Variants in CSMD1 observed in about 807,000 individuals in gnomAD.
CSMD1 encodes CUB and Sushi multiple domains 1.
Under a neutral mutation model 417.5 loss-of-function variants are expected in CSMD1, and 213 were observed. The observed-to-expected ratio is 0.51, with a 90% CI of 0.46 to 0.57. The LOEUF is 0.57. Among genes scored for constraint, CSMD1 ranks in the 20% least tolerant of loss-of-function variants. The pLI is 0.00. For missense variants in CSMD1, 6,923 were observed against 4,529.7 expected (o/e 1.53, Z -15.17); for synonymous variants, 2,862 against 1,736.8 (o/e 1.65, Z -16.11).
chr8:3,962,128 T>G (rs1333404649), intron 5 of CSMD1, among the ~76,000 whole-genome samples: 2 of 152,118 alleles, frequency 1.3e-5, no homozygotes. Flanking sequence ...CCTCTTTCTG[T>G]GTCCAGCCCA....
rs1260596551 is a variant in CSMD1 at position 3,142,565 on chromosome 8, C to A, written c.6141G>T (p.Thr2047=). The A allele has an allele frequency of 6.2e-7, 1 of 1,613,906 alleles. No individual in the cohort carries two copies. The highest frequency in any genetic ancestry group is 2.2e-5 in the East Asian group (1 of 44,870). The stretch of plus-strand genomic sequence containing the variant: ...TGCTCAGCAGGGCCGCGGGGAGATC[C>A]GTGCCGCTAAATTGTCCAATCATGG... ...TSPMIGQFSG[T]DLPAALLSTT... is the part of the protein sequence containing the mutation. Residue 2047 remains threonine (T), a synonymous_variant, in exon 41 of 70, where the codon ACG becomes ACT. Transcript: ENST00000635120.
intron 1 of CSMD1, among the ~76,000 whole-genome samples, chr8:4,805,465 C>T (rs182473033): frequency 1.3e-5 from 2 of 152,190 alleles, no homozygotes; most frequent in East Asian, 3.9e-4. Flanking sequence ...GTTGAGAAGC[C>T]TGCGTCGAGA....
chr8:4,841,629 G>A (rs1282652622), intron 1 of CSMD1, among the ~76,000 whole-genome samples: 1 of 152,084 alleles, frequency 6.6e-6, no homozygotes, highest in South Asian at 2.1e-4. Context: ...GTTCAGAACA[G>A]GTCAGGCGCG....
At chr8:4,367,336 T>C (rs1584965205) in intron 3 of CSMD1, among the ~76,000 whole-genome samples, 1 of 152,316 alleles carries the variant, frequency 6.6e-6, no homozygotes, top group South Asian at 2.1e-4. Flanking sequence ...CATTGTCTGA[T>C]ATTGTCAACT....
chr8:3,795,877 T>TAG (rs2129069950), intron 5 of CSMD1, among the ~76,000 whole-genome samples: 1 of 82,182 alleles, frequency 1.2e-5, no homozygotes, highest in African/African-American at 4.5e-5. Flanking sequence ...GATATAGATA[T>TAG]ATATCTATCA....
chr8:3,406,790 T>A (rs1812368387), intron 14 of CSMD1, among the ~76,000 whole-genome samples: 1 of 152,222 alleles, frequency 6.6e-6, no homozygotes, highest in African/African-American at 2.4e-5. Flanking sequence ...CTCACTTTAT[T>A]CCATCTACAG....
intron 57 of CSMD1, among the ~76,000 whole-genome samples, chr8:2,970,990 C>T (rs1319179498): frequency 6.6e-6 from 1 of 152,160 alleles, no homozygotes; most frequent in East Asian, 1.9e-4. Flanking sequence ...TTTTCTCCCT[C>T]TGTCTCTCTA....
intron 3 of CSMD1, among the ~76,000 whole-genome samples, chr8:4,067,268 A>G (rs912803176): frequency 1.3e-5 from 2 of 152,258 alleles, no homozygotes; most frequent in East Asian, 1.9e-4. Context: ...ACTAAGAATC[A>G]TAGCCGAGAT....
At chr8:4,154,330 T>A (rs1211749709) in intron 3 of CSMD1, among the ~76,000 whole-genome samples, 1 of 152,212 alleles carries the variant, frequency 6.6e-6, no homozygotes, top group African/African-American at 2.4e-5. Flanking sequence ...TGAAAGGATG[T>A]AGTCCAGGAG....
intron 2 of CSMD1, among the ~76,000 whole-genome samples, chr8:4,471,017 C>G (rs1800499979): frequency 6.6e-6 from 1 of 152,060 alleles, no homozygotes; most frequent in Non-Finnish European, 1.5e-5. Flanking sequence ...TACGAGGATT[C>G]TATGAAATAT....
intron 1 of CSMD1, among the ~76,000 whole-genome samples, chr8:4,939,087 CG>C (rs1807813369): frequency 1.3e-5 from 2 of 152,174 alleles, no homozygotes; most frequent in South Asian, 4.1e-4. Context: ...CCCCCCTCTG[CG>C]GGTTGCCTCT....
chr8:4,013,236 A>G (rs1335346866), intron 4 of CSMD1, among the ~76,000 whole-genome samples: 3 of 152,010 alleles, frequency 2.0e-5, no homozygotes, highest in Admixed American at 6.6e-5. Flanking sequence ...CCCCTCTCCT[A>G]TCCTCTGACT....
chr8:3,562,300 T>C (rs1477353167), intron 10 of CSMD1, among the ~76,000 whole-genome samples: 1 of 129,842 alleles, frequency 7.7e-6, no homozygotes, highest in Admixed American at 7.5e-5. Flanking sequence ...TTTTAGAATC[T>C]AGAAAGACTT....
chr8:3,664,470 A>T (rs144773952), intron 7 of CSMD1, among the ~76,000 whole-genome samples: 1 of 152,358 alleles, frequency 6.6e-6, no homozygotes, highest in East Asian at 1.9e-4. Context: ...AAGCATAGGC[A>T]GCTCAATGTT....
intron 5 of CSMD1, among the ~76,000 whole-genome samples, chr8:3,891,733 C>T (rs1378561407): frequency 6.6e-6 from 1 of 151,974 alleles, no homozygotes; most frequent in African/African-American, 2.4e-5. Context: ...GTCTCCCAGG[C>T]AGTATAACAC....
At chr8:3,573,070 A>C (rs1053364964) in intron 10 of CSMD1, among the ~76,000 whole-genome samples, 46 of 152,192 alleles carry the variant, frequency 3.0e-4, no homozygotes, top group African/African-American at 1.0e-3. Flanking sequence ...TGGCTTAGTA[A>C]ATAGTTAACA....
chr8:4,628,362 ATG>A (rs899040912), intron 2 of CSMD1, among the ~76,000 whole-genome samples: 20 of 149,638 alleles, frequency 1.3e-4, no homozygotes, highest in African/African-American at 3.9e-4. Context: ...ACTTCTATGT[ATG>A]TGTGTGTGTA....
In CSMD1 at chr8:3,210,622, G is replaced by C. The variant is rs865942847; in HGVS notation, c.4867+3875C>G. On this transcript the variant is annotated intron_variant, in intron 30 of 69. Transcript: ENST00000635120. ...GGTGTGTGTATAAATATATAGACAG[G>C]AATATATATATAAAGTGTATATACA... Among the ~76,000 whole-genome samples the C allele has an allele frequency of 4.1e-5, 6 of 145,948 alleles. No individual in the cohort carries two copies. The South Asian group carries it at 1.3e-3, about 31-fold the overall frequency.
intron 3 of CSMD1, among the ~76,000 whole-genome samples, chr8:4,321,000 C>T (rs1799244260): frequency 6.6e-6 from 1 of 152,128 alleles, no homozygotes; most frequent in South Asian, 2.1e-4. Flanking sequence ...ACCAGTTTCT[C>T]TGTAAATTAT....
Sources: allele counts gnomAD v4.1 joint callset (sites outside exome capture counted in the v4.1 genomes callset), GRCh38; gene constraint gnomAD v4.1.1; transcripts MANE v1.5; gene names NCBI Gene and HGNC (gene_info 2026-07-23, HGNC 2026-07-21).